Variants in DOC2A observed in about 807,000 individuals in gnomAD.
The protein encoded by DOC2A is double C2-like domain-containing protein alpha.
A neutral mutation model predicts 40.6 loss-of-function variants in DOC2A; 28 were observed. The ratio of observed to expected loss-of-function variants is 0.69; its 90% CI spans 0.51 to 0.95. DOC2A has a LOEUF of 0.95. DOC2A is among the 40% of genes least tolerant of loss of function. The probability of loss-of-function intolerance (pLI) is 0.00; values close to 1 mark genes in which losing one functional copy is unlikely to be tolerated. For missense variants in DOC2A, 474 were observed against 552.5 expected, an observed-to-expected ratio of 0.86 and a Z score of 1.42; for synonymous variants, 241 against 236.9, an observed-to-expected ratio of 1.02 and a Z score of -0.16.
At chr16:30,022,821 G>T (rs1246915613), upstream of DOC2A, among the ~76,000 whole-genome samples, 1 of 152,034 alleles carries the variant, frequency 6.6e-6, no homozygotes, top group Admixed American at 6.6e-5. Flanking sequence ...ATAAAAGGAA[G>T]GGATTTATCC....
intron 1 of DOC2A, among the ~76,000 whole-genome samples, chr16:30,020,702 C>T (rs2070899192): frequency 6.6e-6 from 1 of 152,098 alleles, no homozygotes; most frequent in Non-Finnish European, 1.5e-5. Context: ...CAAAAATTAG[C>T]CAGGCATGGT....
upstream of DOC2A, chr16:30,011,467 C>T (rs2070778470): frequency 1.0e-6 from 1 of 970,294 alleles, no homozygotes; most frequent in African/African-American, 1.8e-5. Flanking sequence ...CGCGCGCGGC[C>T]ACGGCGCCTC....
chr16:30,013,475 C>CTATCTAT (rs2070817829), upstream of DOC2A: 1 of 150,242 alleles, frequency 6.7e-6, no homozygotes, highest in Non-Finnish European at 1.5e-5. Flanking sequence ...ACCTTCTTAG[C>CTATCTAT]CAAGATGGTC....
At chr16:30,019,502 T>C (rs1475905863) in intron 1 of DOC2A, among the ~76,000 whole-genome samples, 1 of 152,218 alleles carries the variant, frequency 6.6e-6, no homozygotes, top group African/African-American at 2.4e-5. Flanking sequence ...AGCCAGTGCG[T>C]AGCAGGAGCT....
At position 30,009,092 on chromosome 16, in the gene DOC2A, T is replaced by C. The variant is rs948108194; in HGVS notation, c.431A>G (p.Lys144Arg). ...LPGACKANKL[K>R]TKTQRNTLNP... ...CAGTGTGTTCCTCTGAGTCTTCGTT[T>C]TTAGCTTATTGGCCTGGGATGTGGG... is the stretch of plus-strand genomic sequence containing the variant. The change falls in exon 5 of 11, where the codon AAA (lysine) becomes AGA (arginine). Residue 144 changes from lysine to arginine, a missense_variant. By Grantham distance (26) the Lys-to-Arg change is conservative. Transcript: ENST00000350119. This position sits in a 1 kb window ranked among gnomAD's most constrained non-coding sequence, Gnocchi z 4.1. The C allele has an allele frequency of 6.2e-7, 1 of 1,614,094 alleles. No homozygotes were observed. Among genetic ancestry groups the C allele is most frequent in the Non-Finnish European group, 8.5e-7 (1 of 1,179,964 alleles).
intron 1 of DOC2A, among the ~76,000 whole-genome samples, chr16:30,019,730 C>T (rs1305287970): frequency 1.3e-5 from 2 of 152,058 alleles, no homozygotes; most frequent in African/African-American, 2.4e-5. Flanking sequence ...GGCCCAGCGT[C>T]GGGAACCAGG....
Position 30,006,861 on chromosome 16 carries a change from GT to G in DOC2A, c.801del (p.Leu268CysfsTer3). 6.2e-7 allele frequency: 1 copy of G among 1,613,704 alleles called. No homozygotes were observed. The highest frequency in any genetic ancestry group is 1.1e-5 in the South Asian group (1 of 91,066). ...GCGCAGCGCAAGATGCCTACCAGCA[GT>G]CCCCGGCGCCGCGAGCTGTAGCTGA... Reference protein sequence around the residue: ...LSLSYSSRRRGLLVGILRCAH... With the variant: ...LSLSYSSRRRXLLVGILRCAH... On this transcript the variant is annotated frameshift_variant, in exon 8 of 11. Transcript: ENST00000350119. LOFTEE classifies it high-confidence loss of function. The surrounding 1 kb of genome is among the most constrained non-coding windows in gnomAD (Gnocchi z 6.2).
At position 30,006,719 on chromosome 16, in the gene DOC2A, C is replaced by T; in HGVS notation, c.879-42G>A. ...GGGAGACGAACTGAGGGGTGAGGGA[C>T]AGGCCAGGCCCAACTCAGGCCAGGG... On this transcript the variant is annotated intron_variant, in intron 8 of 10. Transcript: ENST00000350119. This position sits in a 1 kb window ranked among gnomAD's most constrained non-coding sequence, Gnocchi z 6.2. 6.2e-7 allele frequency: 1 copy of T among 1,613,808 alleles called. No homozygotes were observed.
Position 30,010,228 on chromosome 16 carries a change from A to G in DOC2A, c.-6T>C, listed in dbSNP as rs767916139. 24 of 1,613,166 alleles carry G rather than the reference A, an allele frequency of 1.5e-5. No individual in the cohort carries two copies. Among genetic ancestry groups the G allele is most frequent in the Non-Finnish European group, 2.0e-5 (24 of 1,179,928 alleles). ...TCGCCCCTGCGGCCCCTCATGCAGCACCCCTGGCTAGGAGAGGGCGTGTGA... is the reference window on the plus strand; with the variant it reads ...TCGCCCCTGCGGCCCCTCATGCAGCGCCCCTGGCTAGGAGAGGGCGTGTGA... On this transcript the variant is annotated 5_prime_UTR_variant, in exon 2 of 11. Coordinates refer to ENST00000350119, the MANE Select transcript of DOC2A (RefSeq NM_003586.3). The surrounding 1 kb of genome is among the most constrained non-coding windows in gnomAD (Gnocchi z 4.2).
At chr16:30,021,597 C>G (rs576094054), upstream of DOC2A, 3 of 152,350 alleles carry the variant, frequency 2.0e-5, no homozygotes, top group African/African-American at 7.2e-5. Flanking sequence ...GACGGCCATT[C>G]CCAGCCATCC....
Position 30,005,897 on chromosome 16 carries a change from G to GA in DOC2A, c.*288dup. The GA allele has an allele frequency of 1.9e-6, 1 of 518,128 alleles. No homozygotes were observed. 32.1% of individuals were successfully genotyped at this position (518,128 alleles called of 1,614,324 possible). ...GGGACGGGGCAGCGTGGAGAGGCAGGAGTGAGGAGCGCGGGGGCCTGGGGC... is the reference window on the plus strand; with the variant it reads ...GGGACGGGGCAGCGTGGAGAGGCAGGAAGTGAGGAGCGCGGGGGCCTGGGGC... On this transcript the variant is annotated 3_prime_UTR_variant, in exon 11 of 11. Coordinates refer to ENST00000350119, the MANE Select transcript of DOC2A (RefSeq NM_003586.3).
At position 30,010,407 on chromosome 16, in the gene DOC2A, C is replaced by T; in HGVS notation, c.-13-172G>A. ...AGGTGGGAGGCCTGGGCCCTGCAGACCCCAAGCTGACTCCACAGGGGCTGG... is the reference window on the plus strand; with the variant it reads ...AGGTGGGAGGCCTGGGCCCTGCAGATCCCAAGCTGACTCCACAGGGGCTGG... On this transcript the variant is annotated intron_variant, in intron 1 of 10. Transcript: ENST00000350119. The surrounding 1 kb of genome is among the most constrained non-coding windows in gnomAD (Gnocchi z 4.2). 1 of 847,562 alleles carries T rather than the reference C, an allele frequency of 1.2e-6. No individual in the cohort carries two copies. The highest frequency in any genetic ancestry group is 1.9e-6 in the Non-Finnish European group (1 of 530,956). The allele number at this position is 847,562 out of a possible 1,614,324, so 52.5% of individuals were successfully genotyped here.
At position 30,010,334 on chromosome 16, in the gene DOC2A, T is replaced by A; in HGVS notation, c.-13-99A>T. On this transcript the variant is annotated intron_variant, in intron 1 of 10. Transcript: ENST00000350119. The surrounding 1 kb of genome is among the most constrained non-coding windows in gnomAD (Gnocchi z 4.2). ...TCGGTCTGTGGGGCCCTCACTGGCCTCCCTTCCTAGGTGTCGAGGGAGAGG... is the reference window on the plus strand; with the variant it reads ...TCGGTCTGTGGGGCCCTCACTGGCCACCCTTCCTAGGTGTCGAGGGAGAGG... 1 of 1,518,818 alleles carries A rather than the reference T, an allele frequency of 6.6e-7. No homozygotes were observed. The highest frequency in any genetic ancestry group is 9.0e-7 in the Non-Finnish European group (1 of 1,108,290). 94.1% of individuals were successfully genotyped at this position (1,518,818 alleles called of 1,614,324 possible).
At chr16:30,022,714 T>A (rs1317365641), upstream of DOC2A, among the ~76,000 whole-genome samples, 1 of 151,750 alleles carries the variant, frequency 6.6e-6, no homozygotes, top group Non-Finnish European at 1.5e-5. Context: ...GGCGAACAGA[T>A]CACCTGAGGT....
chr16:30,010,392 C>A lies in DOC2A; in HGVS notation c.-13-157G>T. 1.0e-6 allele frequency: 1 copy of A among 1,003,562 alleles called. No individual in the cohort carries two copies. The highest frequency in any genetic ancestry group is 1.5e-6 in the Non-Finnish European group (1 of 664,216). 62.2% of individuals were successfully genotyped at this position (1,003,562 alleles called of 1,614,324 possible). ...GTGCCAGCCGGTGGCAGGTGGGAGG[C>A]CTGGGCCCTGCAGACCCCAAGCTGA... On this transcript the variant is annotated intron_variant, in intron 1 of 10. Coordinates refer to ENST00000350119, the MANE Select transcript of DOC2A (RefSeq NM_003586.3). This position sits in a 1 kb window ranked among gnomAD's most constrained non-coding sequence, Gnocchi z 4.2.
At position 30,007,020 on chromosome 16, in the gene DOC2A, A is replaced by T. The variant is rs780946238; in HGVS notation, c.714+11T>A. Reference sequence around the variant, plus strand: ...ACCCACATGCATCCCCATCCCCATGAGGTGCCTCACCTCCTTCAGATAACA... The same window carrying T: ...ACCCACATGCATCCCCATCCCCATGTGGTGCCTCACCTCCTTCAGATAACA... On this transcript the variant is annotated intron_variant, in intron 7 of 10. Coordinates refer to ENST00000350119, the MANE Select transcript of DOC2A (RefSeq NM_003586.3). The T allele has an allele frequency of 6.2e-7, 1 of 1,613,718 alleles. No homozygotes were observed. Among genetic ancestry groups the T allele is most frequent in the East Asian group, 2.2e-5 (1 of 44,826 alleles).
chr16:30,018,782 A>C (rs577171824), intron 1 of DOC2A: 2 of 152,334 alleles, frequency 1.3e-5, no homozygotes, highest in South Asian at 4.1e-4. Context: ...AGTATGGATG[A>C]GATCACCTAG....
upstream of DOC2A, among the ~76,000 whole-genome samples, chr16:30,014,314 C>A (rs8058063): frequency 4.0e-5 from 6 of 149,496 alleles, no homozygotes; most frequent in African/African-American, 1.5e-4. Context: ...GCCCTAGAAT[C>A]ATTTCACAGT....
upstream of DOC2A, among the ~76,000 whole-genome samples, chr16:30,022,513 A>C (rs1284648187): frequency 1.3e-5 from 2 of 152,050 alleles, no homozygotes; most frequent in African/African-American, 4.8e-5. Context: ...TCTACAAAAA[A>C]TGCAAAAATT....
Sources: allele counts gnomAD v4.1 joint callset (sites outside exome capture counted in the v4.1 genomes callset), GRCh38; gene constraint gnomAD v4.1.1; non-coding constraint Gnocchi (gnomAD v3.1); transcripts MANE v1.5; gene names NCBI Gene and HGNC (gene_info 2026-07-23, HGNC 2026-07-21).